ZMAT4: variants seen among roughly 807,000 people sequenced by gnomAD.
The protein encoded by ZMAT4 is zinc finger matrin-type 4.
ZMAT4 carries 17 observed loss-of-function variants against 28.7 expected under a neutral mutation model. The ratio of observed to expected loss-of-function variants is 0.59; its 90% CI spans 0.41 to 0.89. ZMAT4 has a LOEUF of 0.89. Among genes scored for constraint, ZMAT4 ranks in the 40% least tolerant of loss-of-function variants. The pLI is 0.00. For synonymous variants in ZMAT4, 117 were observed against 109.2 expected, an observed-to-expected ratio of 1.07 and a Z score of -0.44; for missense variants, 240 against 283.8, an observed-to-expected ratio of 0.85 and a Z score of 1.11.
chr8:40,648,111 C>T lies in ZMAT4; in HGVS notation c.577+26593G>A, dbSNP rs188366015. ...CGAGCTGAGAGAAGGCGGCTTCAGA[C>T]GATCAAATTACTCTGAGCTATGGGA... On this transcript the variant is annotated intron_variant, in intron 5 of 6. Coordinates refer to ENST00000297737, the MANE Select transcript of ZMAT4 (RefSeq NM_024645.3). Among the ~76,000 whole-genome samples the T allele has an allele frequency of 7.4e-4, 113 of 152,130 alleles. 1 individual carries two copies. The highest frequency in any genetic ancestry group is 1.5e-3 in the East Asian group (8 of 5,170).
At chr8:40,736,400 C>T (rs1216492870) in intron 3 of ZMAT4, among the ~76,000 whole-genome samples, 3 of 152,214 alleles carry the variant, frequency 2.0e-5, no homozygotes, top group Admixed American at 6.5e-5. Flanking sequence ...TCCTGGAATG[C>T]TATTTTTACA....
intron 1 of ZMAT4, among the ~76,000 whole-genome samples, chr8:40,890,836 G>A (rs1818642239): frequency 6.6e-6 from 1 of 151,774 alleles, no homozygotes; most frequent in Non-Finnish European, 1.5e-5. Context: ...ATGGAGTTTT[G>A]CTACCGTGGC....
intron 5 of ZMAT4, among the ~76,000 whole-genome samples, chr8:40,610,966 A>G (rs1805773974): frequency 1.3e-5 from 2 of 148,708 alleles, no homozygotes; most frequent in South Asian, 4.2e-4. Flanking sequence ...GTCTTAGCTC[A>G]TCACTACATA....
chr8:40,672,617 A>G (rs987389991), intron 5 of ZMAT4, among the ~76,000 whole-genome samples: 2 of 152,308 alleles, frequency 1.3e-5, no homozygotes, highest in Admixed American at 1.3e-4. Flanking sequence ...TACATAAAAG[A>G]TACAGCACTG....
At chr8:40,559,618 C>A (rs1005061620) in intron 6 of ZMAT4, among the ~76,000 whole-genome samples, 5 of 152,038 alleles carry the variant, frequency 3.3e-5, no homozygotes, top group African/African-American at 1.2e-4. Context: ...TAGGTTGTAA[C>A]CCTTTATAAA....
intron 1 of ZMAT4, among the ~76,000 whole-genome samples, chr8:40,837,458 G>A (rs1816536783): frequency 6.6e-6 from 1 of 152,202 alleles, no homozygotes; most frequent in African/African-American, 2.4e-5. Flanking sequence ...GATTTATCCA[G>A]CATGACCTTA....
At chr8:40,832,732 C>G (rs562379981) in intron 1 of ZMAT4, among the ~76,000 whole-genome samples, 2 of 152,214 alleles carry the variant, frequency 1.3e-5, no homozygotes, top group Non-Finnish European at 2.9e-5. Flanking sequence ...GTGAAACAGA[C>G]AGGAGGCCTT....
intron 5 of ZMAT4, among the ~76,000 whole-genome samples, chr8:40,649,412 A>C (rs569249865): frequency 2.6e-5 from 4 of 152,308 alleles, no homozygotes; most frequent in South Asian, 2.1e-4. Flanking sequence ...CAAGAGCACC[A>C]AGATTCATAA....
intron 3 of ZMAT4, among the ~76,000 whole-genome samples, chr8:40,751,927 T>A (rs1812469503): frequency 6.6e-6 from 1 of 152,156 alleles, no homozygotes. Flanking sequence ...CAAAGATGTA[T>A]AAGGGAAGAC....
chr8:40,844,467 C>G (rs1046124409), intron 1 of ZMAT4, among the ~76,000 whole-genome samples: 1 of 152,178 alleles, frequency 6.6e-6, no homozygotes, highest in Admixed American at 6.5e-5. Context: ...TCCAGATTGT[C>G]AGTCCTTCAG....
At chr8:40,608,361 C>G (rs1805675086) in intron 5 of ZMAT4, among the ~76,000 whole-genome samples, 1 of 152,114 alleles carries the variant, frequency 6.6e-6, no homozygotes, top group African/African-American at 2.4e-5. Context: ...TGGGGGAAAG[C>G]TGGCAGTGAC....
chr8:40,856,694 GA>G (rs1817310254), intron 1 of ZMAT4, among the ~76,000 whole-genome samples: 1 of 152,200 alleles, frequency 6.6e-6, no homozygotes, highest in Non-Finnish European at 1.5e-5. Context: ...GTGACATTGG[GA>G]GATGGGTGGG....
At chr8:40,549,299 G>A (rs546609578) in intron 6 of ZMAT4, among the ~76,000 whole-genome samples, 1 of 152,208 alleles carries the variant, frequency 6.6e-6, no homozygotes, top group Non-Finnish European at 1.5e-5. Context: ...AACAGACTAA[G>A]ACACCCTCCC....
chr8:40,705,060 C>A (rs769845613), intron 3 of ZMAT4, among the ~76,000 whole-genome samples: 2 of 152,144 alleles, frequency 1.3e-5, no homozygotes, highest in Non-Finnish European at 1.5e-5. Flanking sequence ...TCCCAATTTC[C>A]ATAGTATTGG....
intron 5 of ZMAT4, among the ~76,000 whole-genome samples, chr8:40,653,159 G>T (rs1322339805): frequency 6.6e-6 from 1 of 151,798 alleles, no homozygotes; most frequent in Non-Finnish European, 1.5e-5. Flanking sequence ...ATAACCAATA[G>T]ATCAAGTTAC....
intron 2 of ZMAT4, among the ~76,000 whole-genome samples, chr8:40,816,690 T>C (rs1001787268): frequency 6.6e-6 from 1 of 152,222 alleles, no homozygotes. Context: ...AGGACATGGA[T>C]AGAGTTCTAG....
At chr8:40,645,948 C>T (rs1807289366) in intron 5 of ZMAT4, among the ~76,000 whole-genome samples, 1 of 151,970 alleles carries the variant, frequency 6.6e-6, no homozygotes, top group Admixed American at 6.5e-5. Flanking sequence ...CCACTAGAAT[C>T]ATAATCTCCT....
intron 3 of ZMAT4, among the ~76,000 whole-genome samples, chr8:40,703,368 C>T (rs576715510): frequency 2.0e-5 from 3 of 152,268 alleles, no homozygotes; most frequent in Non-Finnish European, 2.9e-5. Flanking sequence ...GTGGTATGTC[C>T]ATACAATGGC....
At chr8:40,602,427 T>G (rs950619712) in intron 5 of ZMAT4, among the ~76,000 whole-genome samples, 1 of 152,194 alleles carries the variant, frequency 6.6e-6, no homozygotes, top group Non-Finnish European at 1.5e-5. Flanking sequence ...CTACTTTTAA[T>G]TCTTTAAGGA....
Sources: allele counts gnomAD v4.1 joint callset (sites outside exome capture counted in the v4.1 genomes callset), GRCh38; gene constraint gnomAD v4.1.1; transcripts MANE v1.5; gene names NCBI Gene and HGNC (gene_info 2026-07-23, HGNC 2026-07-21).